The following KCND2 variants were observed in gnomAD, a reference collection of about 807,000 sequenced individuals.
KCND2 encodes the protein potassium voltage-gated channel subfamily D member 2.
In KCND2, 16 loss-of-function variants were observed where a neutral mutation model predicts 54.4. The observed-to-expected ratio is 0.29, with a 90% CI of 0.20 to 0.45. KCND2 has a LOEUF of 0.45. KCND2 is among the 20% of genes least tolerant of loss of function. KCND2 has a pLI of 1.00. For missense variants in KCND2, 486 were observed against 824.2 expected, an observed-to-expected ratio of 0.59 and a Z score of 5.02; for synonymous variants, 317 against 310.7, an observed-to-expected ratio of 1.02 and a Z score of -0.21.
intron 1 of KCND2, among the ~76,000 whole-genome samples, chr7:120,501,242 G>T (rs141326054): frequency 7.5e-4 from 114 of 152,184 alleles, no homozygotes; most frequent in African/African-American, 2.5e-3. Flanking sequence ...ATAATTTCTT[G>T]TAACTCAATT....
chr7:120,290,168 G>T (rs553596331), intron 1 of KCND2, among the ~76,000 whole-genome samples: 2 of 151,778 alleles, frequency 1.3e-5, no homozygotes, highest in Non-Finnish European at 2.9e-5. Flanking sequence ...GCTGAATAAA[G>T]ATTTTTTTTA....
intron 1 of KCND2, among the ~76,000 whole-genome samples, chr7:120,471,744 A>G (rs1296214399): frequency 6.6e-6 from 1 of 152,104 alleles, no homozygotes; most frequent in Non-Finnish European, 1.5e-5. Context: ...AGGATTCTGA[A>G]TTCTACCCTT....
At chr7:120,536,579 C>T (rs972420388) in intron 1 of KCND2, among the ~76,000 whole-genome samples, 3 of 152,236 alleles carry the variant, frequency 2.0e-5, no homozygotes, top group African/African-American at 7.2e-5. Flanking sequence ...ATCCTAAAGC[C>T]TTTGTTGTCA....
intron 1 of KCND2, among the ~76,000 whole-genome samples, chr7:120,501,285 A>G (rs1802928228): frequency 6.6e-6 from 1 of 152,154 alleles, no homozygotes; most frequent in African/African-American, 2.4e-5. Context: ...GAACTTGTTC[A>G]GCAATGATGG....
rs1235120977 is a variant in KCND2, at chr7:120,586,180, CACAA to C, written c.1116-146719_1116-146716del. Among the ~76,000 whole-genome samples, 3 of 152,156 alleles carry C rather than the reference CACAA, an allele frequency of 2.0e-5. 1 individual carries two copies. Among genetic ancestry groups the C allele is most frequent in the South Asian group, 4.1e-4 (2 of 4,822 alleles). On this transcript the variant is annotated intron_variant, in intron 1 of 5. Transcript: ENST00000331113. ...ACTCACACACAGACACACACACACA[CACAA>C]ACACACACACACAGGCATAAAGTAC...
At chr7:120,480,562 A>G (rs149514330) in intron 1 of KCND2, among the ~76,000 whole-genome samples, 46 of 152,344 alleles carry the variant, frequency 3.0e-4, no homozygotes, top group African/African-American at 1.0e-3. Context: ...GGATTAATCT[A>G]TGCAGAATGG....
chr7:120,595,507 GTGTATATATA>G (rs768871526), intron 1 of KCND2, among the ~76,000 whole-genome samples: 72 of 144,200 alleles, frequency 5.0e-4, no homozygotes, highest in African/African-American at 1.6e-3. Context: ...ATGTGTGTGT[GTGTATATATA>G]TGTATATATA....
intron 1 of KCND2, among the ~76,000 whole-genome samples, chr7:120,371,508 G>A (rs1800765131): frequency 6.6e-6 from 1 of 151,958 alleles, no homozygotes; most frequent in Non-Finnish European, 1.5e-5. Flanking sequence ...TTGAGGCCAT[G>A]GAGTTGAGTG....
At chr7:120,495,433 T>A (rs1406598912) in intron 1 of KCND2, among the ~76,000 whole-genome samples, 3 of 152,064 alleles carry the variant, frequency 2.0e-5, no homozygotes, top group African/African-American at 7.2e-5. Flanking sequence ...GTCAAACCAA[T>A]TTGCTAAGGT....
intron 1 of KCND2, among the ~76,000 whole-genome samples, chr7:120,421,074 A>G (rs1012340434): frequency 6.6e-6 from 1 of 152,224 alleles, no homozygotes; most frequent in Non-Finnish European, 1.5e-5. Flanking sequence ...GGTAATGATT[A>G]TGTCACTGAA....
chr7:120,545,993 A>C (rs1016524622), intron 1 of KCND2, among the ~76,000 whole-genome samples: 1 of 151,946 alleles, frequency 6.6e-6, no homozygotes, highest in Non-Finnish European at 1.5e-5. Context: ...AACAAGAAAT[A>C]AAATGATGGT....
chr7:120,746,059 C>T lies in KCND2; in HGVS notation c.1715+32C>T, dbSNP rs1793002449. On this transcript the variant is annotated intron_variant, in intron 5 of 5. Transcript: ENST00000331113. Reference sequence around the variant, plus strand: ...GAGATTAATCTGTGTTGTCTACACACCTGTGCTGGTTCCCAGGGTGTGTCT... The same window carrying T: ...GAGATTAATCTGTGTTGTCTACACATCTGTGCTGGTTCCCAGGGTGTGTCT... 7 of 1,607,984 alleles carry T rather than the reference C, an allele frequency of 4.4e-6. No homozygotes were observed. In the East Asian group the frequency reaches 1.1e-4, roughly 26 times the overall value.
chr7:120,477,010 T>A (rs1454198235), intron 1 of KCND2, among the ~76,000 whole-genome samples: 2 of 152,206 alleles, frequency 1.3e-5, no homozygotes, highest in African/African-American at 4.8e-5. Flanking sequence ...AGTTGGATTG[T>A]TCTGCAACAC....
intron 1 of KCND2, among the ~76,000 whole-genome samples, chr7:120,586,646 A>T (rs1792604240): frequency 6.6e-6 from 1 of 152,092 alleles, no homozygotes; most frequent in Non-Finnish European, 1.5e-5. Context: ...TTTATTAGTG[A>T]TTTGCAGCAT....
At chr7:120,387,451 G>A (rs775855036) in intron 1 of KCND2, among the ~76,000 whole-genome samples, 1 of 151,926 alleles carries the variant, frequency 6.6e-6, no homozygotes, top group Non-Finnish European at 1.5e-5. Flanking sequence ...TTACATTGGA[G>A]TGACTATATT....
chr7:120,670,234 C>T (rs1282545538), intron 1 of KCND2, among the ~76,000 whole-genome samples: 2 of 152,044 alleles, frequency 1.3e-5, no homozygotes, highest in Non-Finnish European at 2.9e-5. Context: ...ACCATCCAGA[C>T]CAGCGTATCA....
chr7:120,399,964 G>T (rs1487373245), intron 1 of KCND2, among the ~76,000 whole-genome samples: 1 of 152,026 alleles, frequency 6.6e-6, no homozygotes, highest in African/African-American at 2.4e-5. Context: ...GACCTCATGT[G>T]ATTCTCTTGC....
intron 1 of KCND2, among the ~76,000 whole-genome samples, chr7:120,527,924 A>G (rs1203107057): frequency 6.6e-6 from 1 of 152,190 alleles, no homozygotes; most frequent in Non-Finnish European, 1.5e-5. Context: ...TTTGTAGAGC[A>G]GGGATATTTA....
In KCND2 at chr7:120,600,497, C is replaced by T. The variant is rs546104984; in HGVS notation, c.1116-132406C>T. Among the ~76,000 whole-genome samples, 9 of 152,026 alleles carry T rather than the reference C, an allele frequency of 5.9e-5. No individual in the cohort carries two copies. The East Asian group carries it at 1.7e-3, about 29-fold the overall frequency. ...ACAGAGTATTAGATATTTCAGAATG[C>T]CACATTTCCAAATGGACCTTAAACT... On this transcript the variant is annotated intron_variant, in intron 1 of 5. Coordinates refer to ENST00000331113, the MANE Select transcript of KCND2 (RefSeq NM_012281.3).
Sources: gnomAD v4.1 joint callset for allele counts (sites outside exome capture counted in the v4.1 genomes callset) on GRCh38, gnomAD v4.1.1 for gene constraint, MANE v1.5 for transcripts, NCBI Gene and HGNC (gene_info 2026-07-23, HGNC 2026-07-21) for gene names.